MYO7B: variants seen among roughly 807,000 people sequenced by gnomAD.
MYO7B encodes myosin VIIB.
A neutral mutation model predicts 259.7 loss-of-function variants in MYO7B; 212 were observed. That is an observed-to-expected ratio of 0.82 (90% confidence interval 0.73 to 0.91). The LOEUF is 0.91. Among genes scored for constraint, MYO7B ranks in the 40% least tolerant of loss-of-function variants. The pLI, the probability that MYO7B is intolerant of heterozygous loss-of-function variation, is 0.00. For synonymous variants in MYO7B, 1,197 were observed against 1,166.4 expected (o/e 1.03, Z -0.54); for missense variants, 2,732 against 2,813.5 (o/e 0.97, Z 0.66).
chr2:127,571,442 GTTTT>G, intron 6 of MYO7B, among the ~76,000 whole-genome samples: 2 of 41,984 alleles, frequency 4.8e-5, no homozygotes, highest in Non-Finnish European at 9.1e-5. Context: ...TTACCAGTGA[GTTTT>G]TTTTTTTTTT....
intron 1 of MYO7B, among the ~76,000 whole-genome samples, chr2:127,548,706 G>A (rs780118687): frequency 5.9e-5 from 9 of 152,060 alleles, no homozygotes; most frequent in African/African-American, 1.9e-4. Flanking sequence ...GAGCTACCAC[G>A]CCCGGCCTCT....
Position 127,615,951 on chromosome 2 carries a change from A to G in MYO7B, c.3398+3348A>G, listed in dbSNP as rs1680556052. Among the ~76,000 whole-genome samples the G allele has an allele frequency of 6.6e-6, 1 of 152,170 alleles. No homozygotes were observed. The highest frequency in any genetic ancestry group is 1.5e-5 in the Non-Finnish European group (1 of 68,046). On this transcript the variant is annotated intron_variant, in intron 26 of 47. Transcript: ENST00000409816. This position sits in a 1 kb window ranked among gnomAD's most constrained non-coding sequence, Gnocchi z 4.4. ...GCATGGTCGCACACAACTTGAGGGC[A>G]CCTACATGGTTTGTTCATTTCCTGT...
chr2:127,584,236 T>C lies in MYO7B; in HGVS notation c.1458T>C (p.Tyr486=). The change falls in exon 13 of 48, where the codon TAT becomes TAC. Residue 486 remains tyrosine, a synonymous_variant. Transcript: ENST00000409816. The surrounding 1 kb of genome is among the most constrained non-coding windows in gnomAD (Gnocchi z 5.8). ...EYRSENISWD[Y]IHYTDNRPTL... Reference sequence around the variant, plus strand: ...GCTCGGAGAACATCTCCTGGGACTATATCCACTACACCGACAATCGGCCCA... The same window carrying C: ...GCTCGGAGAACATCTCCTGGGACTACATCCACTACACCGACAATCGGCCCA... The C allele has an allele frequency of 1.2e-6, 2 of 1,613,988 alleles. No individual in the cohort carries two copies. The highest frequency in any genetic ancestry group is 1.7e-6 in the Non-Finnish European group (2 of 1,179,878).
At chr2:127,564,104 G>A (rs1678220318) in intron 2 of MYO7B, 49 bp from the exon 3 acceptor site, 1 of 1,307,960 alleles carries the variant, frequency 7.6e-7, no homozygotes, top group South Asian at 1.3e-5. Flanking sequence ...CCAGCAGGGA[G>A]GGGAAGAGAG....
chr2:127,565,468 G>T (rs926153163), intron 4 of MYO7B, 83 bp downstream of exon 4: 3 of 1,546,046 alleles, frequency 1.9e-6, no homozygotes, highest in Non-Finnish European at 2.6e-6. Flanking sequence ...ATGATGCACA[G>T]GGGGCACTGC....
intron 37 of MYO7B, 80 bp from the exon 38 acceptor site, chr2:127,631,520 G>C (rs1681507824): frequency 6.5e-7 from 1 of 1,549,142 alleles, no homozygotes; most frequent in Admixed American, 1.8e-5. Flanking sequence ...TCACCGCAGG[G>C]CCGGGGTCGG....
chr2:127,577,630 AGGCGGTGG>A lies in MYO7B; in HGVS notation c.850-499_850-492del, dbSNP rs1678925213. 6.6e-6 allele frequency among the ~76,000 whole-genome samples: 1 copy of A among 152,032 alleles called. No homozygotes were observed. Among genetic ancestry groups the A allele is most frequent in the Non-Finnish European group, 1.5e-5 (1 of 67,996 alleles). Reference sequence around the variant, plus strand: ...TGCCTAAACTGCCCTCTGTCCTCAGAGGCGGTGGGGCCAGCTCTGCACCTCCTCCAAGA... The same window carrying A: ...TGCCTAAACTGCCCTCTGTCCTCAGAGGCCAGCTCTGCACCTCCTCCAAGA... On this transcript the variant is annotated intron_variant, in intron 8 of 47. Transcript: ENST00000409816. This position sits in a 1 kb window ranked among gnomAD's most constrained non-coding sequence, Gnocchi z 5.2.
chr2:127,596,569 C>A lies in MYO7B; in HGVS notation c.2339+13C>A, dbSNP rs779938448. 1.3e-6 allele frequency: 2 copies of A among 1,599,062 alleles called. No individual in the cohort carries two copies. The highest frequency in any genetic ancestry group is 3.4e-5 in the Admixed American group (2 of 58,514). ...GCTACAGATACAGGTGCCGGCCCCACCCCAAGGCCCACCCAGCCTACTCCT... is the reference window on the plus strand; with the variant it reads ...GCTACAGATACAGGTGCCGGCCCCAACCCAAGGCCCACCCAGCCTACTCCT... On this transcript the variant is annotated intron_variant, in intron 19 of 47. Coordinates refer to ENST00000409816, the MANE Select transcript of MYO7B (RefSeq NM_001393586.1).
chr2:127,576,585 T>C lies in MYO7B; in HGVS notation c.736-10T>C. On this transcript the variant is annotated splice_polypyrimidine_tract_variant and intron_variant, in intron 7 of 47. Coordinates refer to ENST00000409816, the MANE Select transcript of MYO7B (RefSeq NM_001393586.1). This position sits in a 1 kb window ranked among gnomAD's most constrained non-coding sequence, Gnocchi z 4.9. ...ATGAATCTGTCTGGAATGCCCTCCCTCCCTCCCAGGCTCCCGAGGAGCGGA... is the reference window on the plus strand; with the variant it reads ...ATGAATCTGTCTGGAATGCCCTCCCCCCCTCCCAGGCTCCCGAGGAGCGGA... The C allele has an allele frequency of 1.1e-6, 1 of 873,336 alleles. No homozygotes were observed. Among genetic ancestry groups the C allele is most frequent in the Non-Finnish European group, 1.8e-6 (1 of 545,586 alleles). 54.1% of individuals were successfully genotyped at this position (873,336 alleles called of 1,614,324 possible).
chr2:127,623,039 G>A (rs1162894271), intron 28 of MYO7B, among the ~76,000 whole-genome samples, 163 bp from the exon 29 acceptor site: 1 of 152,190 alleles, frequency 6.6e-6, no homozygotes, highest in East Asian at 1.9e-4. Context: ...TGTTTTCTAT[G>A]CCAAGCCCAT....
rs550670151 is a variant in MYO7B, at chr2:127,617,398, G to A, written c.3399-2942G>A. Among the ~76,000 whole-genome samples the A allele has an allele frequency of 2.7e-5, 4 of 149,930 alleles. No individual in the cohort carries two copies. The East Asian group carries it at 5.9e-4, about 22-fold the overall frequency. ...AATTCTTCCCCATGTTACCCTGATT[G>A]AAAAACTTCCCGTTCTTTGTACCTC... On this transcript the variant is annotated intron_variant, in intron 26 of 47. Transcript: ENST00000409816.
At chr2:127,571,384 T>G (rs1573636316) in intron 6 of MYO7B, among the ~76,000 whole-genome samples, 1 of 151,384 alleles carries the variant, frequency 6.6e-6, no homozygotes, top group Non-Finnish European at 1.5e-5. Flanking sequence ...GAAGTGTCAG[T>G]TCAAATCTTT....
rs1677969044 is a variant in MYO7B, at chr2:127,559,288, A to G, written c.-23-412A>G. On this transcript the variant is annotated intron_variant, in intron 1 of 47. Coordinates refer to ENST00000409816, the MANE Select transcript of MYO7B (RefSeq NM_001393586.1). This position sits in a 1 kb window ranked among gnomAD's most constrained non-coding sequence, Gnocchi z 4.1. The stretch of plus-strand genomic sequence containing the variant: ...TTGAGTCCCATGTCTAAAGTGAGGG[A>G]ACACGCACATTCTGCAGTGCTGTGA... 6.6e-6 allele frequency among the ~76,000 whole-genome samples: 1 copy of G among 152,186 alleles called. No individual in the cohort carries two copies. The highest frequency in any genetic ancestry group is 1.5e-5 in the Non-Finnish European group (1 of 68,036).
chr2:127,631,897 T>C (rs1254950936), intron 38 of MYO7B, 144 bp downstream of exon 38: 1 of 1,171,546 alleles, frequency 8.5e-7, no homozygotes, highest in Non-Finnish European at 1.2e-6. Flanking sequence ...TGGGAAGGGT[T>C]GGGCCCTTGG....
intron 12 of MYO7B, among the ~76,000 whole-genome samples, chr2:127,583,062 A>G (rs1478468122): frequency 6.6e-6 from 1 of 152,238 alleles, no homozygotes; most frequent in Non-Finnish European, 1.5e-5. Flanking sequence ...CACCAGCAAG[A>G]GGAGTCCCAT....
rs1248256839 is a variant in MYO7B, at chr2:127,611,734, G to A, written c.3193-516G>A. 6.6e-6 allele frequency among the ~76,000 whole-genome samples: 1 copy of A among 152,186 alleles called. No homozygotes were observed. The highest frequency in any genetic ancestry group is 1.5e-5 in the Non-Finnish European group (1 of 68,024). ...AGAAGGGGCGGCCTCTGCCTAAGGAGAGCAACAGATCGTAGTGGCTGCAGC... is the reference window on the plus strand; with the variant it reads ...AGAAGGGGCGGCCTCTGCCTAAGGAAAGCAACAGATCGTAGTGGCTGCAGC... On this transcript the variant is annotated intron_variant, in intron 24 of 47. Transcript: ENST00000409816. The surrounding 1 kb of genome is among the most constrained non-coding windows in gnomAD (Gnocchi z 5.4).
In MYO7B at chr2:127,559,695, T is replaced by TA. The variant is rs2104845279; in HGVS notation, c.-23-4dup. ...GCTGACGTTCTGCTTTCTCTCTCCA[T>TA]ACAGGCTTGTGGAACTGCTGACTCA... On this transcript the variant is annotated splice_polypyrimidine_tract_variant and splice_region_variant and intron_variant, in intron 1 of 47. Transcript: ENST00000409816. The surrounding 1 kb of genome is among the most constrained non-coding windows in gnomAD (Gnocchi z 4.1). 6.2e-7 allele frequency: 1 copy of TA among 1,613,932 alleles called. No homozygotes were observed. The highest frequency in any genetic ancestry group is 2.2e-5 in the East Asian group (1 of 44,878).
rs117684652 is a variant in MYO7B, at chr2:127,577,875, C to A, written c.850-258C>A. ...GAGACAAGGCAAGCTCGAGTAGGGA[C>A]GAACGACAAATAGAGGATCAGAGAA... On this transcript the variant is annotated intron_variant, in intron 8 of 47. Transcript: ENST00000409816. This position sits in a 1 kb window ranked among gnomAD's most constrained non-coding sequence, Gnocchi z 5.2. Among the ~76,000 whole-genome samples the A allele has an allele frequency of 6.6e-6, 1 of 152,096 alleles. No individual in the cohort carries two copies. Among genetic ancestry groups the A allele is most frequent in the African/African-American group, 2.4e-5 (1 of 41,354 alleles).
At chr2:127,634,782 C>A in intron 42 of MYO7B, 99 bp downstream of exon 42, 1 of 1,157,740 alleles carries the variant, frequency 8.6e-7, no homozygotes. Context: ...TCCATCCATT[C>A]GTTCCCGTGT....
Sources: gnomAD v4.1 joint callset for allele counts (sites outside exome capture counted in the v4.1 genomes callset) on GRCh38, gnomAD v4.1.1 for gene constraint, Gnocchi (gnomAD v3.1) non-coding constraint, MANE v1.5 for transcripts, NCBI Gene and HGNC (gene_info 2026-07-23, HGNC 2026-07-21) for gene names.